Variants in NGLY1 observed in about 807,000 individuals in gnomAD.
NGLY1 encodes N-glycanase 1, also known as peptide-N(4)-(N-acetyl-beta-glucosaminyl)asparagine amidase.
NGLY1 carries 68 observed loss-of-function variants against 84.6 expected under a neutral mutation model. The ratio of observed to expected loss-of-function variants is 0.80; its 90% CI spans 0.66 to 0.98. NGLY1 has a LOEUF of 0.98. NGLY1 is among the 50% of genes least tolerant of loss of function. The pLI is 0.00. For synonymous variants in NGLY1, 280 were observed against 275.2 expected (o/e 1.02, Z -0.17); for missense variants, 779 against 770.2 (o/e 1.01, Z -0.14).
chr3:25,776,339 C>T lies in NGLY1; in HGVS notation c.246+2235G>A, dbSNP rs182221127. ...GAATGAAAGACAAATCTAATTCTAT[C>T]GAATATGTGACACTTCGACATGAGA... On this transcript the variant is annotated intron_variant, in intron 2 of 11. Coordinates refer to ENST00000280700, the MANE Select transcript of NGLY1 (RefSeq NM_018297.4). Among the ~76,000 whole-genome samples, 68 of 152,274 alleles carry T rather than the reference C, an allele frequency of 4.5e-4. 2 individuals carry two copies. The East Asian group carries it at 9.3e-3, about 21-fold the overall frequency.
At position 25,783,211 on chromosome 3, in the gene NGLY1, C is replaced by A; in HGVS notation, c.131+49G>T. 1 of 1,552,566 alleles carries A rather than the reference C, an allele frequency of 6.4e-7. No homozygotes were observed. The highest frequency in any genetic ancestry group is 1.1e-5 in the South Asian group (1 of 88,800). On this transcript the variant is annotated intron_variant, in intron 1 of 11. Coordinates refer to ENST00000280700, the MANE Select transcript of NGLY1 (RefSeq NM_018297.4). This position sits in a 1 kb window ranked among gnomAD's most constrained non-coding sequence, Gnocchi z 4.5. Reference sequence around the variant, plus strand: ...CCCAGTCCCTGGCCGAACAAGGTGCCGCGGCCCACCCACCCCGGTACCCGC... The same window carrying A: ...CCCAGTCCCTGGCCGAACAAGGTGCAGCGGCCCACCCACCCCGGTACCCGC...
In NGLY1 at chr3:25,747,800, T is replaced by C. The variant is rs551352809; in HGVS notation, c.658+3298A>G. Among the ~76,000 whole-genome samples, 5 of 152,272 alleles carry C rather than the reference T, an allele frequency of 3.3e-5. No individual in the cohort carries two copies. The South Asian group carries it at 1.0e-3, about 32-fold the overall frequency. ...TCTGCTTACATGGAAAAGAAGTCAC[T>C]AGAGCCATAAACTGGTAAGGACATT... On this transcript the variant is annotated intron_variant, in intron 4 of 11. Transcript: ENST00000280700.
At chr3:25,777,167 G>A (rs1023557061) in intron 2 of NGLY1, among the ~76,000 whole-genome samples, 2 of 152,282 alleles carry the variant, frequency 1.3e-5, no homozygotes, top group Non-Finnish European at 2.9e-5. Context: ...AGGCCAAGGC[G>A]GGCGGATCGC....
At chr3:25,777,173 A>G (rs1000691026) in intron 2 of NGLY1, among the ~76,000 whole-genome samples, 2 of 152,210 alleles carry the variant, frequency 1.3e-5, no homozygotes, top group African/African-American at 4.8e-5. Context: ...AGGCGGGCGG[A>G]TCGCCTGAGG....
At chr3:25,753,856 T>C (rs1397629198) in intron 3 of NGLY1, among the ~76,000 whole-genome samples, 1 of 152,186 alleles carries the variant, frequency 6.6e-6, no homozygotes, top group African/African-American at 2.4e-5. Context: ...ATGTGCATAT[T>C]GCAAAGTAGA....
Position 25,783,374 on chromosome 3 carries a change from A to G in NGLY1, c.17T>C (p.Leu6Ser), listed in dbSNP as rs2125331790. The change falls in exon 1 of 12, where the codon TTG becomes TCG. Residue 6 changes from leucine to serine, a missense_variant. Coordinates refer to ENST00000280700, the MANE Select transcript of NGLY1 (RefSeq NM_018297.4). The surrounding 1 kb of genome is among the most constrained non-coding windows in gnomAD (Gnocchi z 4.5). ...GGACGCCGAGCCTGAGGAGCTGCCC[A>G]ATGCCGCCGCCGCCATGCTTGAGCG... MAAAA[L>S]GSSSGSASPA... 5 of 1,545,206 alleles carry G rather than the reference A, an allele frequency of 3.2e-6. No individual in the cohort carries two copies. The highest frequency in any genetic ancestry group is 2.0e-5 in the Admixed American group (1 of 50,472).
chr3:25,758,612 A>G (rs1272892586), intron 3 of NGLY1, among the ~76,000 whole-genome samples: 1 of 152,134 alleles, frequency 6.6e-6, no homozygotes, highest in East Asian at 1.9e-4. Context: ...AATTAAACAT[A>G]TTATTTACTA....
At chr3:25,749,573 T>C in intron 4 of NGLY1, 2 of 1,536,130 alleles carry the variant, frequency 1.3e-6, no homozygotes, top group Non-Finnish European at 1.8e-6. Context: ...GACTGATATG[T>C]CAAAAATTAA....
At chr3:25,758,218 A>G (rs1178432118) in intron 3 of NGLY1, among the ~76,000 whole-genome samples, 1 of 152,218 alleles carries the variant, frequency 6.6e-6, no homozygotes, top group Non-Finnish European at 1.5e-5. Flanking sequence ...AGCCCCTTAA[A>G]TTCAAAATTA....
upstream of NGLY1, among the ~76,000 whole-genome samples, chr3:25,784,701 C>T (rs988019851): frequency 2.6e-5 from 4 of 152,292 alleles, no homozygotes; most frequent in South Asian, 8.3e-4. Flanking sequence ...CCGAACAAGA[C>T]CCTAAGCTAT....
At chr3:25,774,496 C>T (rs182742259) in intron 2 of NGLY1, among the ~76,000 whole-genome samples, 3 of 152,182 alleles carry the variant, frequency 2.0e-5, no homozygotes, top group African/African-American at 7.2e-5. Flanking sequence ...GTGTGGTTCT[C>T]AGGCCAATGG....
upstream of NGLY1, among the ~76,000 whole-genome samples, chr3:25,786,238 G>C (rs571046465): frequency 6.6e-6 from 1 of 151,936 alleles, no homozygotes. Context: ...CAGGAGAATC[G>C]CTTGAACCCA....
At chr3:25,770,701 TC>T (rs1707850454) in intron 2 of NGLY1, among the ~76,000 whole-genome samples, 1 of 152,186 alleles carries the variant, frequency 6.6e-6, no homozygotes, top group South Asian at 2.1e-4. Flanking sequence ...GTAAAAGGGT[TC>T]CCTTTTCACC....
chr3:25,751,590 C>A lies in NGLY1; in HGVS notation c.493-327G>T, dbSNP rs141194398. Among the ~76,000 whole-genome samples, 21 of 152,268 alleles carry A rather than the reference C, an allele frequency of 1.4e-4. No individual in the cohort carries two copies. In the East Asian group the frequency reaches 3.9e-3, roughly 28 times the overall value. On this transcript the variant is annotated intron_variant, in intron 3 of 11. Coordinates refer to ENST00000280700, the MANE Select transcript of NGLY1 (RefSeq NM_018297.4). ...TCTAATGGCCCCTTCCACTTTAAAT[C>A]CCTGTAATGTACAGCAGTAGCAAAA...
chr3:25,762,379 A>T (rs1486469518), intron 3 of NGLY1, among the ~76,000 whole-genome samples: 1 of 152,212 alleles, frequency 6.6e-6, no homozygotes, highest in African/African-American at 2.4e-5. Context: ...TATTCCAGTG[A>T]TCCACGAATA....
intron 2 of NGLY1, among the ~76,000 whole-genome samples, chr3:25,766,316 C>A (rs1707569378): frequency 1.3e-5 from 2 of 152,336 alleles, no homozygotes; most frequent in South Asian, 4.1e-4. Context: ...ATCCGCCCAC[C>A]ACAGCCTCCC....
intron 3 of NGLY1, among the ~76,000 whole-genome samples, chr3:25,761,995 T>C (rs1707341571): frequency 6.6e-6 from 1 of 152,186 alleles, no homozygotes; most frequent in Non-Finnish European, 1.5e-5. Flanking sequence ...CCAGAAAAAG[T>C]AGCAAGATTA....
At chr3:25,763,576 GAA>G (rs1707415075) in intron 3 of NGLY1, among the ~76,000 whole-genome samples, 1 of 152,166 alleles carries the variant, frequency 6.6e-6, no homozygotes, top group Admixed American at 6.5e-5. Flanking sequence ...CTTAGGAGAA[GAA>G]TATGTAAGGA....
chr3:25,756,941 G>A (rs1199261608), intron 3 of NGLY1, among the ~76,000 whole-genome samples: 4 of 152,144 alleles, frequency 2.6e-5, no homozygotes, highest in African/African-American at 7.2e-5. Flanking sequence ...AGTCATATTG[G>A]GAAAGATGGA....
Sources: allele counts gnomAD v4.1 joint callset (sites outside exome capture counted in the v4.1 genomes callset), GRCh38; gene constraint gnomAD v4.1.1; non-coding constraint Gnocchi (gnomAD v3.1); transcripts MANE v1.5; gene names NCBI Gene and HGNC (gene_info 2026-07-23, HGNC 2026-07-21).